The following PCDHA8 variants were observed in gnomAD, a reference collection of about 807,000 sequenced individuals.
PCDHA8 encodes the protein protocadherin alpha 8, also known as protocadherin alpha-8.
Under a neutral mutation model 61.8 loss-of-function variants are expected in PCDHA8, and 53 were observed. The ratio of observed to expected loss-of-function variants is 0.86; its 90% CI spans 0.69 to 1.08. The LOEUF (loss-of-function observed/expected upper bound fraction) is 1.08. PCDHA8 is among the 50% of genes least tolerant of loss of function. PCDHA8 has a pLI of 0.00. For synonymous variants in PCDHA8, 618 were observed against 556.6 expected, an observed-to-expected ratio of 1.11 and a Z score of -1.55; for missense variants, 1,293 against 1,245.0, an observed-to-expected ratio of 1.04 and a Z score of -0.58.
chr5:140,859,389 T>C (rs1554152298), intron 1 of PCDHA8: 1 of 268,430 alleles, frequency 3.7e-6, no homozygotes, highest in Non-Finnish European at 6.7e-6. Context: ...TCTCTAGTCA[T>C]CTTAAACAGG....
intron 1 of PCDHA8, chr5:140,871,198 C>A: frequency 6.2e-7 from 1 of 1,613,730 alleles, no homozygotes; most frequent in Non-Finnish European, 8.5e-7. Flanking sequence ...CAACGTGTAC[C>A]TGATCATCGC....
At chr5:140,856,750 C>T (rs1554149043) in intron 1 of PCDHA8, 2 of 1,596,152 alleles carry the variant, frequency 1.3e-6, no homozygotes, top group Non-Finnish European at 1.7e-6. Flanking sequence ...TGTTAGATGC[C>T]AATGATAACG....
chr5:140,853,550 A>G lies in PCDHA8; in HGVS notation c.2394+9835A>G, dbSNP rs1220580978. The G allele has an allele frequency of 5.1e-6, 5 of 979,400 alleles. 1 individual carries two copies. Among genetic ancestry groups the G allele is most frequent in the Non-Finnish European group, 6.2e-6 (5 of 811,998 alleles). 60.7% of individuals were successfully genotyped at this position (979,400 alleles called of 1,614,324 possible). A position where few individuals can be genotyped will look rare whatever the true frequency, so the allele number is the denominator to read the frequency against. On this transcript the variant is annotated intron_variant, in intron 1 of 3. Transcript: ENST00000531613. The stretch of plus-strand genomic sequence containing the variant: ...TGTCTCTTTTCAAGTTGTAATTACT[A>G]TATAGGAAAAACTAAGTTGTCACCC...
At chr5:140,932,415 T>C (rs1183410119) in intron 1 of PCDHA8, among the ~76,000 whole-genome samples, 2 of 151,922 alleles carry the variant, frequency 1.3e-5, no homozygotes, top group African/African-American at 4.8e-5. Context: ...GTTATATTAG[T>C]GTATTGTTCA....
At chr5:140,871,265 G>A (rs2052892595) in intron 1 of PCDHA8, 8 of 1,613,978 alleles carry the variant, frequency 5.0e-6, no homozygotes, top group Non-Finnish European at 6.8e-6. Flanking sequence ...ACGGCGCTGT[G>A]GTGGTCGGCA....
chr5:140,924,391 T>C (rs2081808127), intron 1 of PCDHA8, among the ~76,000 whole-genome samples: 1 of 152,326 alleles, frequency 6.6e-6, no homozygotes, highest in East Asian at 1.9e-4. Flanking sequence ...TTACTACTTA[T>C]ATTGCCTTAT....
intron 1 of PCDHA8, among the ~76,000 whole-genome samples, chr5:140,872,514 T>G (rs1223185665): frequency 1.3e-5 from 2 of 152,108 alleles, no homozygotes; most frequent in East Asian, 3.9e-4. Context: ...GTAGTCCCAG[T>G]TTCTTGGGAG....
intron 1 of PCDHA8, among the ~76,000 whole-genome samples, chr5:140,923,894 G>A (rs2081566819): frequency 6.6e-6 from 1 of 152,186 alleles, no homozygotes; most frequent in African/African-American, 2.4e-5. Flanking sequence ...AAGAGGAGGA[G>A]TTTCTGTGAA....
chr5:140,979,411 T>C (rs1422593406), intron 2 of PCDHA8, among the ~76,000 whole-genome samples: 1 of 152,204 alleles, frequency 6.6e-6, no homozygotes, highest in Non-Finnish European at 1.5e-5. Flanking sequence ...CTACCTTGTT[T>C]TTTTTTTAAT....
chr5:140,964,918 G>A (rs563180752), intron 1 of PCDHA8, among the ~76,000 whole-genome samples: 59 of 152,308 alleles, frequency 3.9e-4, no homozygotes, highest in Admixed American at 3.4e-3. Context: ...GAATAACACT[G>A]GCTAGGTAGT....
intron 3 of PCDHA8, among the ~76,000 whole-genome samples, chr5:140,988,674 T>C (rs1221039125): frequency 1.3e-5 from 2 of 152,240 alleles, no homozygotes; most frequent in Non-Finnish European, 2.9e-5. Context: ...GACTCTAAGA[T>C]AATTCTTTCC....
At chr5:140,876,556 G>A (rs369915148) in intron 1 of PCDHA8, 10 of 1,614,204 alleles carry the variant, frequency 6.2e-6, no homozygotes, top group Non-Finnish European at 8.5e-6. Flanking sequence ...TGTGCAAGAG[G>A]ATGCTCAGGT....
At chr5:140,951,071 C>T (rs246044) in intron 1 of PCDHA8, among the ~76,000 whole-genome samples, 86,232 of 151,532 alleles carry the variant, frequency 0.57, 25,208 homozygotes, top group African/African-American at 0.71. Flanking sequence ...CATTGGCTTT[C>T]TTATATTTTC....
At chr5:140,882,114 C>T (rs1464753090) in intron 1 of PCDHA8, 25 of 1,406,582 alleles carry the variant, frequency 1.8e-5, no homozygotes, top group Non-Finnish European at 2.2e-5. Flanking sequence ...AAGAAAGCCG[C>T]CGTTTCTTTC....
intron 1 of PCDHA8, chr5:140,853,653 C>G: frequency 3.0e-6 from 3 of 988,604 alleles, no homozygotes; most frequent in Non-Finnish European, 3.7e-6. Flanking sequence ...TGAGCCTGTT[C>G]CAGACAAATT....
chr5:140,887,245 C>T (rs1200820177), intron 1 of PCDHA8, among the ~76,000 whole-genome samples: 2 of 151,924 alleles, frequency 1.3e-5, no homozygotes, highest in East Asian at 1.9e-4. Context: ...TACCGGCGCC[C>T]GCCACCACGC....
chr5:140,925,254 A>G (rs1554202655), intron 1 of PCDHA8, among the ~76,000 whole-genome samples: 1 of 152,188 alleles, frequency 6.6e-6, no homozygotes, highest in African/African-American at 2.4e-5. Context: ...GGAAACTTTA[A>G]TTCTTGATCT....
At chr5:140,958,746 G>A (rs946339571) in intron 1 of PCDHA8, among the ~76,000 whole-genome samples, 3 of 152,184 alleles carry the variant, frequency 2.0e-5, no homozygotes, top group African/African-American at 7.2e-5. Context: ...AGAGAGAAAG[G>A]AGATTTTTAC....
chr5:140,868,957 A>G (rs2050760003), intron 1 of PCDHA8: 2 of 1,389,232 alleles, frequency 1.4e-6, no homozygotes, highest in East Asian at 2.3e-5. Context: ...AGGCACTCCC[A>G]TACAAAGGAA....
Sources: gnomAD v4.1 joint callset for allele counts (sites outside exome capture counted in the v4.1 genomes callset) on GRCh38, gnomAD v4.1.1 for gene constraint, MANE v1.5 for transcripts, NCBI Gene and HGNC (gene_info 2026-07-23, HGNC 2026-07-21) for gene names.